CELSR1: variants seen among roughly 807,000 people sequenced by gnomAD.
CELSR1 encodes the protein cadherin EGF LAG seven-pass G-type receptor 1.
CELSR1 carries 110 observed loss-of-function variants against 249.1 expected under a neutral mutation model. The ratio of observed to expected loss-of-function variants is 0.44; its 90% CI spans 0.38 to 0.52. CELSR1 has a LOEUF of 0.52. Among genes scored for constraint, CELSR1 ranks in the 20% least tolerant of loss-of-function variants. CELSR1 has a pLI of 0.00. For missense variants in CELSR1, 4,109 were observed against 4,296.4 expected, an observed-to-expected ratio of 0.96 and a Z score of 1.22; for synonymous variants, 2,113 against 1,900.0, an observed-to-expected ratio of 1.11 and a Z score of -2.92.
rs1208996731 is a variant in CELSR1 at position 46,454,569 on chromosome 22, C to A, written c.4183+9138G>T. On this transcript the variant is annotated intron_variant, in intron 2 of 34. Transcript: ENST00000674500. The surrounding 1 kb of genome is among the most constrained non-coding windows in gnomAD (Gnocchi z 5.1). ...CTATTGCATGCGGCTCGTCTTCAGGCCACTTTTCTAACTGTGGGCCAGACA... is the reference window on the plus strand; with the variant it reads ...CTATTGCATGCGGCTCGTCTTCAGGACACTTTTCTAACTGTGGGCCAGACA... Among the ~76,000 whole-genome samples, 10 of 152,244 alleles carry A rather than the reference C, an allele frequency of 6.6e-5. No homozygotes were observed. Among genetic ancestry groups the A allele is most frequent in the Non-Finnish European group, 1.2e-4 (8 of 68,042 alleles).
chr22:46,432,180 T>G (rs897196191), intron 5 of CELSR1, among the ~76,000 whole-genome samples: 1 of 152,136 alleles, frequency 6.6e-6, no homozygotes, highest in African/African-American at 2.4e-5. Context: ...TGATGGGATA[T>G]TCAAGGCAGA....
intron 22 of CELSR1, among the ~76,000 whole-genome samples, chr22:46,379,805 T>G (rs561471175): frequency 3.1e-4 from 47 of 152,276 alleles, no homozygotes; most frequent in Non-Finnish European, 6.6e-4. Flanking sequence ...CTCCGCAGAT[T>G]CAAGCCTGAC....
intron 28 of CELSR1, among the ~76,000 whole-genome samples, chr22:46,367,408 C>T (rs2078797786): frequency 6.6e-6 from 1 of 152,238 alleles, no homozygotes; most frequent in South Asian, 2.1e-4. Context: ...TGGGGCCCCT[C>T]TGGGGTCCCC....
At chr22:46,425,644 A>G (rs575515239) in intron 5 of CELSR1, among the ~76,000 whole-genome samples, 4 of 152,218 alleles carry the variant, frequency 2.6e-5, no homozygotes, top group African/African-American at 9.6e-5. Context: ...GATATTGGCA[A>G]TTTGTCTTCT....
chr22:46,498,117 G>A (rs142534357), intron 1 of CELSR1, among the ~76,000 whole-genome samples: 2,113 of 151,386 alleles, frequency 0.014, 21 homozygotes, highest in Non-Finnish European at 0.019. Flanking sequence ...GTGTGGTGGC[G>A]CACACCTGTA....
chr22:46,458,819 C>T (rs559602115), intron 2 of CELSR1, among the ~76,000 whole-genome samples: 5 of 152,288 alleles, frequency 3.3e-5, no homozygotes, highest in South Asian at 4.1e-4. Context: ...TGGGAAAGGC[C>T]GAGTGAGAGC....
At chr22:46,481,378 A>G in intron 1 of CELSR1, 1 of 959,242 alleles carries the variant, frequency 1.0e-6, no homozygotes, top group Non-Finnish European at 1.7e-6. Context: ...CATAGTTGGG[A>G]GCAGGTGCAT....
intron 12 of CELSR1, 56 bp downstream of exon 12, chr22:46,397,618 G>GT: frequency 7.3e-7 from 1 of 1,371,256 alleles, no homozygotes; most frequent in Non-Finnish European, 9.5e-7. Flanking sequence ...CCCCTCCTGT[G>GT]TTTCAGCCAT....
chr22:46,424,065 T>TA (rs145841270), intron 5 of CELSR1, among the ~76,000 whole-genome samples: 3 of 151,632 alleles, frequency 2.0e-5, no homozygotes, highest in African/African-American at 4.8e-5. Context: ...TTGTAAATCT[T>TA]AAAAAAAAAT....
At position 46,489,419 on chromosome 22, in the gene CELSR1, GAGA is replaced by G. The variant is rs777820855; in HGVS notation, c.3545-25077_3545-25075del. Among the ~76,000 whole-genome samples, 6 of 151,828 alleles carry G rather than the reference GAGA, an allele frequency of 4.0e-5. No homozygotes were observed. In the East Asian group the frequency reaches 7.8e-4, roughly 20 times the overall value. ...CCGTGAAGCACTTGCTGAAGCTGGG[GAGA>G]AGAAGGCCCCAAGCTTGGGGGCCCC... is the stretch of plus-strand genomic sequence containing the variant. On this transcript the variant is annotated intron_variant, in intron 1 of 34. Transcript: ENST00000674500.
At position 46,490,728 on chromosome 22, in the gene CELSR1, C is replaced by G. The variant is rs574641890; in HGVS notation, c.3545-26383G>C. Among the ~76,000 whole-genome samples, 1 of 152,134 alleles carries G rather than the reference C, an allele frequency of 6.6e-6. No homozygotes were observed. Among genetic ancestry groups the G allele is most frequent in the African/African-American group, 2.4e-5 (1 of 41,408 alleles). On this transcript the variant is annotated intron_variant, in intron 1 of 34. Transcript: ENST00000674500. This position sits in a 1 kb window ranked among gnomAD's most constrained non-coding sequence, Gnocchi z 5.2. ...AAAATACCAGAAAAATCTACAAAAC[C>G]AACTCCTGCAGCCACCACAGGGTGC...
At position 46,472,007 on chromosome 22, in the gene CELSR1, G is replaced by A. The variant is rs963722324; in HGVS notation, c.3545-7662C>T. Reference sequence around the variant, plus strand: ...GGGTCTGCTTGATTCCGGGAGGCACGGCACCCACCCAGCACTCTCTCTGCC... The same window carrying A: ...GGGTCTGCTTGATTCCGGGAGGCACAGCACCCACCCAGCACTCTCTCTGCC... On this transcript the variant is annotated intron_variant, in intron 1 of 34. Transcript: ENST00000674500. The surrounding 1 kb of genome is among the most constrained non-coding windows in gnomAD (Gnocchi z 7.0). Among the ~76,000 whole-genome samples the A allele has an allele frequency of 6.6e-6, 1 of 152,114 alleles. No homozygotes were observed. Among genetic ancestry groups the A allele is most frequent in the Admixed American group, 6.6e-5 (1 of 15,264 alleles).
At position 46,536,122 on chromosome 22, in the gene CELSR1, C is replaced by T; in HGVS notation, c.1049G>A (p.Ser350Asn). 1 of 1,612,742 alleles carries T rather than the reference C, an allele frequency of 6.2e-7. No individual in the cohort carries two copies. Residue 350 changes from serine (S) to asparagine (N), a missense_variant, in exon 1 of 35, where the codon AGC becomes AAC. Around this residue, in one of 7 missense-constraint regions of CELSR1, gnomAD observed 673 missense variants for 636.8 expected, o/e 1.06. Coordinates refer to ENST00000674500, the MANE Select transcript of CELSR1 (RefSeq NM_001378328.1). Reference sequence around the variant, plus strand: ...GTACTCCGACTGCTCGAAGACCGGGCTGTGGTCGTTGGTGTCTTTGACCAA... The same window carrying T: ...GTACTCCGACTGCTCGAAGACCGGGTTGTGGTCGTTGGTGTCTTTGACCAA... ...TVLVKDTNDH[S>N]PVFEQSEYRE... is the part of the protein sequence containing the mutation.
At chr22:46,510,254 C>T (rs1034421870) in intron 1 of CELSR1, among the ~76,000 whole-genome samples, 1 of 152,144 alleles carries the variant, frequency 6.6e-6, no homozygotes, top group Non-Finnish European at 1.5e-5. Flanking sequence ...CAAGCATTTT[C>T]AGGAAAGGAA....
rs747634455 is a variant in CELSR1, at chr22:46,410,377, CG to C, written c.4933+20del. The C allele has an allele frequency of 4.7e-5, 75 of 1,602,562 alleles. 1 individual carries two copies. The highest frequency in any genetic ancestry group is 5.9e-5 in the Non-Finnish European group (69 of 1,172,114). ...CCAGATGCCACTGCGGCAGCTCCGA[CG>C]CCCTGACGGCCACCCGTACCTTCCC... On this transcript the variant is annotated intron_variant, in intron 7 of 34. Coordinates refer to ENST00000674500, the MANE Select transcript of CELSR1 (RefSeq NM_001378328.1). This position sits in a 1 kb window ranked among gnomAD's most constrained non-coding sequence, Gnocchi z 6.8.
chr22:46,536,994 C>T lies in CELSR1; in HGVS notation c.177G>A (p.Arg59=). ...TYAVGAACTP[R]APRELLDVGR... is the part of the protein sequence containing the mutation. ...CCACGTCCAGCAGCTCCCGCGGCGC[C>T]CGGGGCGTGCAAGCGGCGCCCACCG... Residue 59 remains arginine (R), a synonymous_variant, in exon 1 of 35, where the codon CGG becomes CGA. Transcript: ENST00000674500. The T allele has an allele frequency of 8.9e-7, 1 of 1,118,492 alleles. No homozygotes were observed. The highest frequency in any genetic ancestry group is 3.8e-5 in the South Asian group (1 of 26,066). The allele number at this position is 1,118,492 out of a possible 1,614,324, so 69.3% of individuals were successfully genotyped here.
intron 1 of CELSR1, among the ~76,000 whole-genome samples, chr22:46,516,946 C>T (rs986751451): frequency 7.9e-5 from 12 of 152,200 alleles, no homozygotes; most frequent in Non-Finnish European, 1.6e-4. Flanking sequence ...AAACCAGTGT[C>T]ACGGCTGGCA....
intron 5 of CELSR1, among the ~76,000 whole-genome samples, chr22:46,421,112 C>T (rs1342088301): frequency 2.0e-5 from 3 of 152,212 alleles, no homozygotes; most frequent in Non-Finnish European, 4.4e-5. Context: ...CAGGAGCTAA[C>T]ATGAGGATCA....
chr22:46,394,723 A>C (rs2079129835), intron 13 of CELSR1, among the ~76,000 whole-genome samples: 1 of 152,180 alleles, frequency 6.6e-6, no homozygotes, highest in Non-Finnish European at 1.5e-5. Flanking sequence ...CCTGGCCCCC[A>C]GACCCACAGA....
Sources: allele counts gnomAD v4.1 joint callset (sites outside exome capture counted in the v4.1 genomes callset), GRCh38; gene constraint gnomAD v4.1.1; regional missense constraint gnomAD v4.1.1; non-coding constraint Gnocchi (gnomAD v3.1); transcripts MANE v1.5; gene names NCBI Gene and HGNC (gene_info 2026-07-23, HGNC 2026-07-21).